ARHGAP39: variants seen among roughly 807,000 people sequenced by gnomAD.
The protein encoded by ARHGAP39 is Rho GTPase activating protein 39, also known as rho GTPase-activating protein 39.
Under a neutral mutation model 106.9 loss-of-function variants are expected in ARHGAP39, and 44 were observed. That is an observed-to-expected ratio of 0.41 (90% confidence interval 0.32 to 0.53). The LOEUF (loss-of-function observed/expected upper bound fraction) is 0.53, where lower values mean the gene tolerates loss of function less well. Among genes scored for constraint, ARHGAP39 ranks in the 20% least tolerant of loss-of-function variants. ARHGAP39 has a pLI of 0.21. For missense variants in ARHGAP39, 1,496 were observed against 1,577.3 expected, an observed-to-expected ratio of 0.95 and a Z score of 0.87; for synonymous variants, 768 against 693.2, an observed-to-expected ratio of 1.11 and a Z score of -1.69.
Position 144,604,118 on chromosome 8 carries a change from C to T in ARHGAP39, c.80+1417G>A, listed in dbSNP as rs369683733. Among the ~76,000 whole-genome samples the T allele has an allele frequency of 1.1e-4, 16 of 152,296 alleles. No homozygotes were observed. In the East Asian group the frequency reaches 3.1e-3, roughly 29 times the overall value. On this transcript the variant is annotated intron_variant, in intron 2 of 11. Transcript: ENST00000377307. The surrounding 1 kb of genome is among the most constrained non-coding windows in gnomAD (Gnocchi z 4.1). ...GCAACTGTGGAAGGTGCACAGAGTCCCAGAAAGACCAACCACACAGGGAGG... is the reference window on the plus strand; with the variant it reads ...GCAACTGTGGAAGGTGCACAGAGTCTCAGAAAGACCAACCACACAGGGAGG...
At chr8:144,564,930 G>GA (rs910173456) in intron 3 of ARHGAP39, among the ~76,000 whole-genome samples, 7 of 152,026 alleles carry the variant, frequency 4.6e-5, no homozygotes, top group African/African-American at 1.7e-4. Context: ...CCAATATGAT[G>GA]AAGCCCTGTC....
Position 144,530,416 on chromosome 8 carries a change from C to G in ARHGAP39, c.*6G>C, listed in dbSNP as rs779114975. 1 of 1,589,196 alleles carries G rather than the reference C, an allele frequency of 6.3e-7. No homozygotes were observed. The highest frequency in any genetic ancestry group is 1.1e-5 in the South Asian group (1 of 89,076). Reference sequence around the variant, plus strand: ...AGGACATCCCTCCTGTCCCCGGGCGCCCCCGCTACAGCACACCCTCCATGA... The same window carrying G: ...AGGACATCCCTCCTGTCCCCGGGCGGCCCCGCTACAGCACACCCTCCATGA... On this transcript the variant is annotated 3_prime_UTR_variant, in exon 12 of 12. Coordinates refer to ENST00000377307, the MANE Select transcript of ARHGAP39 (RefSeq NM_025251.3).
intron 1 of ARHGAP39, among the ~76,000 whole-genome samples, chr8:144,677,316 C>T (rs144294666): frequency 6.6e-6 from 1 of 152,312 alleles, no homozygotes; most frequent in African/African-American, 2.4e-5. Context: ...CCAACTGAGA[C>T]ATTCATTTAA....
intron 2 of ARHGAP39, among the ~76,000 whole-genome samples, chr8:144,582,134 C>T (rs1586577409): frequency 1.3e-5 from 2 of 152,256 alleles, no homozygotes; most frequent in South Asian, 4.1e-4. Context: ...AGGGGCTCAA[C>T]AGAAGGGGAG....
At chr8:144,635,611 G>A (rs1563717912) in intron 1 of ARHGAP39, among the ~76,000 whole-genome samples, 1 of 152,246 alleles carries the variant, frequency 6.6e-6, no homozygotes, top group Non-Finnish European at 1.5e-5. Context: ...CAGAGCTCGG[G>A]TGAATTATCC....
chr8:144,603,148 T>G (rs1367978511), intron 2 of ARHGAP39, among the ~76,000 whole-genome samples: 1 of 143,970 alleles, frequency 6.9e-6, no homozygotes, highest in Non-Finnish European at 1.5e-5. Flanking sequence ...CCTGTGTGCA[T>G]GTGCGTGGAG....
Position 144,671,641 on chromosome 8 carries a change from A to G in ARHGAP39, c.-82+14045T>C, listed in dbSNP as rs368529706. Among the ~76,000 whole-genome samples the G allele has an allele frequency of 6.6e-6, 1 of 151,682 alleles. No homozygotes were observed. The highest frequency in any genetic ancestry group is 2.4e-5 in the African/African-American group (1 of 41,256). ...AATAGCCCAAGGCTCAGCTGCTGAT[A>G]CTCCTCCTTTCCAGACAAGACACCC... On this transcript the variant is annotated intron_variant, in intron 1 of 11. Transcript: ENST00000377307. The surrounding 1 kb of genome is among the most constrained non-coding windows in gnomAD (Gnocchi z 4.5).
rs1445557003 is a variant in ARHGAP39 at position 144,579,188 on chromosome 8, C to T, written c.512+1658G>A. Among the ~76,000 whole-genome samples the T allele has an allele frequency of 7.3e-4, 82 of 111,670 alleles. 1 individual carries two copies. The highest frequency in any genetic ancestry group is 2.7e-3 in the African/African-American group (71 of 26,042). 73.3% of individuals were successfully genotyped at this position (111,670 alleles called of 152,430 possible). On this transcript the variant is annotated intron_variant, in intron 3 of 11. Transcript: ENST00000377307. The stretch of plus-strand genomic sequence containing the variant: ...CTGCACTCCAGCCTGGGCGACAGAG[C>T]GAGACTCTGTCTCAAAAAAAAAAAA...
At chr8:144,622,964 C>T (rs1205764050) in intron 1 of ARHGAP39, among the ~76,000 whole-genome samples, 1 of 152,246 alleles carries the variant, frequency 6.6e-6, no homozygotes, top group Non-Finnish European at 1.5e-5. Flanking sequence ...AAGAAAGCCA[C>T]CATCCAGCCC....
chr8:144,615,311 C>T (rs1407516878), intron 1 of ARHGAP39, among the ~76,000 whole-genome samples: 1 of 152,056 alleles, frequency 6.6e-6, no homozygotes, highest in Non-Finnish European at 1.5e-5. Flanking sequence ...CAAAGTGAGA[C>T]CCCCTTCTCT....
In ARHGAP39 at chr8:144,612,979, G is replaced by A. The variant is rs117780522; in HGVS notation, c.-81-7284C>T. On this transcript the variant is annotated intron_variant, in intron 1 of 11. Transcript: ENST00000377307. ...CTCTTTTCTGCCTTCTTTGGATTAA[G>A]TATTTTATGTGGGTCAACTTTATCT... 5.3e-5 allele frequency among the ~76,000 whole-genome samples: 8 copies of A among 152,370 alleles called. No homozygotes were observed. The East Asian group carries it at 1.3e-3, about 26-fold the overall frequency.
intron 2 of ARHGAP39, among the ~76,000 whole-genome samples, chr8:144,593,941 T>C (rs1175179608): frequency 1.3e-5 from 2 of 151,848 alleles, no homozygotes; most frequent in Non-Finnish European, 2.9e-5. Context: ...ATATAAAAAT[T>C]AGCTGAGTGT....
intron 2 of ARHGAP39, among the ~76,000 whole-genome samples, chr8:144,589,847 C>T (rs1819325059): frequency 6.6e-6 from 1 of 152,254 alleles, no homozygotes; most frequent in African/African-American, 2.4e-5. Context: ...GCCCCGCCTC[C>T]TCCAGAAGCC....
At chr8:144,545,867 G>GC in intron 5 of ARHGAP39, 57 bp from the exon 6 acceptor site, 1 of 1,401,426 alleles carries the variant, frequency 7.1e-7, no homozygotes, top group African/African-American at 1.5e-5. Flanking sequence ...AGGCAGGTGG[G>GC]CCCACTGGGC....
rs373928345 is a variant in ARHGAP39, at chr8:144,600,873, G to A, written c.80+4662C>T. ...CCTGTGTGTGTGCATGGAAGCGTGC[G>A]TGCGTGCTCGTGTACCTGTGCGTGT... On this transcript the variant is annotated intron_variant, in intron 2 of 11. Coordinates refer to ENST00000377307, the MANE Select transcript of ARHGAP39 (RefSeq NM_025251.3). Among the ~76,000 whole-genome samples, 405 of 151,274 alleles carry A rather than the reference G, an allele frequency of 2.7e-3. 2 individuals are homozygous for A. Among genetic ancestry groups the A allele is most frequent in the African/African-American group, 8.9e-3 (366 of 41,192 alleles).
chr8:144,613,602 CA>C (rs1820551599), intron 1 of ARHGAP39, among the ~76,000 whole-genome samples: 1 of 151,632 alleles, frequency 6.6e-6, no homozygotes, highest in Non-Finnish European at 1.5e-5. Context: ...CCTTCATACA[CA>C]AAAGGCCTTG....
intron 1 of ARHGAP39, chr8:144,683,250 G>A (rs1188048381): frequency 1.3e-5 from 2 of 151,550 alleles, no homozygotes; most frequent in South Asian, 2.1e-4. Context: ...AGGAGGCAGA[G>A]CTTGCAGTGA....
intron 2 of ARHGAP39, among the ~76,000 whole-genome samples, chr8:144,598,349 G>T (rs1271591922): frequency 6.6e-6 from 1 of 152,216 alleles, no homozygotes; most frequent in Non-Finnish European, 1.5e-5. Flanking sequence ...TCAGCTGTGG[G>T]TGTCAGTGGA....
In ARHGAP39 at chr8:144,530,554, C is replaced by A; in HGVS notation, c.3213G>T (p.Val1071=). The change falls in exon 12 of 12, where the codon GTG becomes GTT. Residue 1071 remains valine, a synonymous_variant. Transcript: ENST00000377307. Reference sequence around the variant, plus strand: ...GGCAGCGCAAGCAGTTGGGCGCCATCACCATGGCCAGGTTGCTGACATCCA... The same window carrying A: ...GGCAGCGCAAGCAGTTGGGCGCCATAACCATGGCCAGGTTGCTGACATCCA... ...TKMDVSNLAM[V]MAPNCLRCQS... The A allele has an allele frequency of 1.2e-6, 2 of 1,611,930 alleles. No individual in the cohort carries two copies. The highest frequency in any genetic ancestry group is 1.3e-5 in the African/African-American group (1 of 74,968).
Sources: gnomAD v4.1 joint callset for allele counts (sites outside exome capture counted in the v4.1 genomes callset) on GRCh38, gnomAD v4.1.1 for gene constraint, Gnocchi (gnomAD v3.1) non-coding constraint, MANE v1.5 for transcripts, NCBI Gene and HGNC (gene_info 2026-07-23, HGNC 2026-07-21) for gene names.